Variants in FSTL5 observed in about 807,000 individuals in gnomAD.
The protein encoded by FSTL5 is follistatin-related protein 5.
In FSTL5, 62 loss-of-function variants were observed where a neutral mutation model predicts 89.1. That is an observed-to-expected ratio of 0.70 (90% CI 0.57 to 0.86). FSTL5 has a LOEUF of 0.86. Ranked by LOEUF, FSTL5 falls within the 40% of genes least tolerant of loss-of-function variation. The pLI, the probability that FSTL5 is intolerant of heterozygous loss-of-function variation, is 0.00. For synonymous variants in FSTL5, 383 were observed against 346.2 expected (o/e 1.11, Z -1.18); for missense variants, 1,057 against 1,001.6 (o/e 1.06, Z -0.75).
intron 4 of FSTL5, among the ~76,000 whole-genome samples, chr4:161,840,312 T>A (rs2126871047): frequency 6.6e-6 from 1 of 152,172 alleles, no homozygotes; most frequent in South Asian, 2.1e-4. Context: ...TTCATTAAAA[T>A]GAGAAGAAGA....
At chr4:161,499,931 T>C (rs1052131481) in intron 12 of FSTL5, 85 bp downstream of exon 12, 15 of 770,036 alleles carry the variant, frequency 1.9e-5, no homozygotes, top group Admixed American at 1.7e-4. Flanking sequence ...CTCATATATG[T>C]ATAGGTTTTG....
At chr4:161,829,487 A>C (rs1730776160) in intron 4 of FSTL5, among the ~76,000 whole-genome samples, 1 of 152,022 alleles carries the variant, frequency 6.6e-6, no homozygotes, top group African/African-American at 2.4e-5. Context: ...TAATGTATGT[A>C]ATTATCTATA....
intron 6 of FSTL5, among the ~76,000 whole-genome samples, chr4:161,673,825 T>C (rs757742690): frequency 2.6e-5 from 4 of 151,960 alleles, no homozygotes; most frequent in Non-Finnish European, 4.4e-5. Context: ...AAATTATTAG[T>C]AATACAAATG....
intron 7 of FSTL5, among the ~76,000 whole-genome samples, chr4:161,635,923 C>T (rs570603802): frequency 6.6e-6 from 1 of 152,238 alleles, no homozygotes; most frequent in African/African-American, 2.4e-5. Context: ...TCTAATACAA[C>T]TTTGATTTCA....
chr4:162,065,320 C>T (rs1738858036), intron 2 of FSTL5, among the ~76,000 whole-genome samples: 1 of 151,726 alleles, frequency 6.6e-6, no homozygotes, highest in South Asian at 2.1e-4. Flanking sequence ...CAGTTAACAA[C>T]CAAAATGTAT....
chr4:161,562,740 G>A (rs991251624), intron 8 of FSTL5, among the ~76,000 whole-genome samples: 5 of 151,744 alleles, frequency 3.3e-5, no homozygotes, highest in African/African-American at 9.7e-5. Flanking sequence ...TAAGTATACA[G>A]TGCAGTGGTG....
intron 3 of FSTL5, among the ~76,000 whole-genome samples, chr4:161,994,571 A>G (rs551417739): frequency 7.9e-5 from 12 of 152,284 alleles, no homozygotes; most frequent in African/African-American, 2.6e-4. Context: ...AATAATAGCC[A>G]TTCTGACTGA....
chr4:161,545,751 A>AC (rs1021249477), intron 8 of FSTL5, among the ~76,000 whole-genome samples: 7 of 151,794 alleles, frequency 4.6e-5, no homozygotes, highest in Admixed American at 2.6e-4. Flanking sequence ...AATCTCTGGT[A>AC]CCCCCCAGTG....
chr4:161,677,549 T>C lies in FSTL5; in HGVS notation c.728-21055A>G, dbSNP rs190921157. On this transcript the variant is annotated intron_variant, in intron 6 of 15. Transcript: ENST00000306100. ...TCTCTTCATGATCGTATTAGTAGTA[T>C]TGGAAAATCACAGCACAAAAAAATA... Among the ~76,000 whole-genome samples, 46 of 152,112 alleles carry C rather than the reference T, an allele frequency of 3.0e-4. No homozygotes were observed. In the South Asian group the frequency reaches 8.7e-3, roughly 29 times the overall value.
chr4:161,706,397 C>T (rs753312130), intron 6 of FSTL5, among the ~76,000 whole-genome samples: 1 of 151,710 alleles, frequency 6.6e-6, no homozygotes, highest in Non-Finnish European at 1.5e-5. Context: ...ATAATTTATC[C>T]TCAATATTTT....
intron 4 of FSTL5, among the ~76,000 whole-genome samples, chr4:161,858,172 G>T (rs77882963): frequency 0.047 from 7,121 of 152,194 alleles, 213 homozygotes; most frequent in Non-Finnish European, 0.07. Context: ...CTTCCACCAC[G>T]TGAGGATAAA....
chr4:161,738,236 G>A (rs1488731920), intron 6 of FSTL5, among the ~76,000 whole-genome samples: 2 of 151,962 alleles, frequency 1.3e-5, no homozygotes, highest in African/African-American at 4.8e-5. Flanking sequence ...AAATGGAGAT[G>A]GCTCATTAAA....
intron 7 of FSTL5, among the ~76,000 whole-genome samples, chr4:161,602,696 A>G (rs1459220408): frequency 6.6e-6 from 1 of 152,214 alleles, no homozygotes; most frequent in South Asian, 2.1e-4. Context: ...GCTTCTTATC[A>G]GAAGTTTTGA....
chr4:161,989,907 G>C (rs181854893), intron 3 of FSTL5, among the ~76,000 whole-genome samples: 2 of 152,088 alleles, frequency 1.3e-5, no homozygotes, highest in Non-Finnish European at 2.9e-5. Flanking sequence ...ATAAATAGCT[G>C]TTTACACCTC....
At position 161,526,331 on chromosome 4, in the gene FSTL5, T is replaced by G. The variant is rs1731218037; in HGVS notation, c.1312+11835A>C. Among the ~76,000 whole-genome samples the G allele has an allele frequency of 2.0e-5, 3 of 152,196 alleles. No individual in the cohort carries two copies. The South Asian group carries it at 6.2e-4, about 32-fold the overall frequency. On this transcript the variant is annotated intron_variant, in intron 10 of 15. Transcript: ENST00000306100. ...AATATTTTATTCATTAATAATCTGA[T>G]TCTATTAAAATTTCACTATTGTAGA...
At chr4:161,476,189 G>GTTTTTTTTTTTTTTTTT (rs1241724019) in intron 13 of FSTL5, among the ~76,000 whole-genome samples, 1 of 106,892 alleles carries the variant, frequency 9.4e-6, no homozygotes, top group Admixed American at 1.2e-4. Flanking sequence ...TTTTTTTTTT[G>GTTTTTTTTTTTTTTTTT]TTTGTTTGTT....
At chr4:161,532,952 A>T (rs1731469978) in intron 10 of FSTL5, among the ~76,000 whole-genome samples, 1 of 152,174 alleles carries the variant, frequency 6.6e-6, no homozygotes, top group African/African-American at 2.4e-5. Flanking sequence ...ATACAGAGAA[A>T]TTAAAAAACT....
intron 6 of FSTL5, among the ~76,000 whole-genome samples, chr4:161,737,206 T>C (rs1406032289): frequency 6.6e-6 from 1 of 152,104 alleles, no homozygotes; most frequent in African/African-American, 2.4e-5. Flanking sequence ...TTAGTAAATC[T>C]AACCCTTTAT....
At chr4:161,911,835 T>C (rs1733702837) in intron 4 of FSTL5, among the ~76,000 whole-genome samples, 1 of 152,246 alleles carries the variant, frequency 6.6e-6, no homozygotes, top group Admixed American at 6.5e-5. Flanking sequence ...CATGCTTTTT[T>C]CGTCATTCTG....
Sources: allele counts gnomAD v4.1 joint callset (sites outside exome capture counted in the v4.1 genomes callset), GRCh38; gene constraint gnomAD v4.1.1; transcripts MANE v1.5; gene names NCBI Gene and HGNC (gene_info 2026-07-23, HGNC 2026-07-21).